The following TOX2 variants were observed in gnomAD, a reference collection of about 807,000 sequenced individuals.
The protein encoded by TOX2 is TOX high mobility group box family member 2.
A neutral mutation model predicts 47.4 loss-of-function variants in TOX2; 15 were observed. That is an observed-to-expected ratio of 0.32 (90% CI 0.21 to 0.49). TOX2 has a LOEUF of 0.49. Ranked by LOEUF, TOX2 falls within the 20% of genes least tolerant of loss-of-function variation. The pLI is 0.99. For synonymous variants in TOX2, 290 were observed against 296.6 expected (o/e 0.98, Z 0.23); for missense variants, 622 against 673.1 (o/e 0.92, Z 0.84).
At position 44,065,904 on chromosome 20, in the gene TOX2, G is replaced by A; in HGVS notation, c.1153G>A (p.Gly385Ser). The A allele has an allele frequency of 1.2e-6, 2 of 1,611,694 alleles. No individual in the cohort carries two copies. Among genetic ancestry groups the A allele is most frequent in the Non-Finnish European group, 1.7e-6 (2 of 1,178,494 alleles). ...GCTGGGCTCCAAGTCTCTGCTGCCA[G>A]GCCTCAGTGCGTCCCCGCCGCCGCC... Reference protein sequence around the residue: ...RTLGSKSLLPGLSASPPPPPS... With the variant: ...RTLGSKSLLPSLSASPPPPPS... The change falls in exon 7 of 9, where the codon GGC becomes AGC. Residue 385 changes from glycine (G) to serine (S), a missense_variant. Around this residue, in one of 3 missense-constraint regions of TOX2, gnomAD observed 294 missense variants for 300.0 expected, o/e 0.98. Coordinates refer to ENST00000341197, the MANE Select transcript of TOX2 (RefSeq NM_001098797.2).
At chr20:43,971,691 A>G (rs2069971189) in intron 1 of TOX2, among the ~76,000 whole-genome samples, 1 of 152,240 alleles carries the variant, frequency 6.6e-6, no homozygotes, top group African/African-American at 2.4e-5. Flanking sequence ...ACTAGAAACA[A>G]TGCAACTACC....
intron 3 of TOX2, among the ~76,000 whole-genome samples, chr20:44,034,028 A>G (rs1240299508): frequency 2.6e-5 from 4 of 152,182 alleles, no homozygotes; most frequent in Admixed American, 1.3e-4. Context: ...AGCATCTGCA[A>G]GCATGCTTAC....
chr20:44,068,593 C>T, intron 8 of TOX2, 57 bp from the exon 9 acceptor site: 1 of 1,568,444 alleles, frequency 6.4e-7, no homozygotes, highest in Non-Finnish European at 8.7e-7. Flanking sequence ...GGTCCTGGTG[C>T]TCCCCTGGCC....
chr20:43,930,385 C>T (rs1251189910), intron 1 of TOX2, among the ~76,000 whole-genome samples: 1 of 152,136 alleles, frequency 6.6e-6, no homozygotes, highest in Non-Finnish European at 1.5e-5. Context: ...CTATAATTCT[C>T]CTTGTAGAAA....
intron 3 of TOX2, among the ~76,000 whole-genome samples, chr20:44,030,313 G>T (rs563115055): frequency 6.6e-6 from 1 of 152,140 alleles, no homozygotes; most frequent in African/African-American, 2.4e-5. Context: ...ATCTATCTGA[G>T]TCTCAGATGG....
At chr20:44,043,802 A>G (rs1046153925) in intron 3 of TOX2, among the ~76,000 whole-genome samples, 1 of 152,236 alleles carries the variant, frequency 6.6e-6, no homozygotes, top group African/African-American at 2.4e-5. Flanking sequence ...GTCGTGATTA[A>G]TGAGGAATCC....
chr20:43,937,615 G>T (rs373436363), intron 1 of TOX2, among the ~76,000 whole-genome samples: 1 of 152,130 alleles, frequency 6.6e-6, no homozygotes, highest in East Asian at 1.9e-4. Context: ...GGGGAGGCCC[G>T]TAGGGAGGGT....
intron 2 of TOX2, among the ~76,000 whole-genome samples, chr20:43,978,484 A>G (rs2070117982): frequency 6.6e-6 from 1 of 152,060 alleles, no homozygotes; most frequent in African/African-American, 2.4e-5. Context: ...GCTATGACTT[A>G]TTATTTTTTA....
rs73282668 is a variant in TOX2 at position 44,005,765 on chromosome 20, G to T, written c.166-782G>T. 3.8e-3 allele frequency among the ~76,000 whole-genome samples: 575 copies of T among 152,310 alleles called. 2 individuals are homozygous for T. The highest frequency in any genetic ancestry group is 0.013 in the African/African-American group (544 of 41,556). ...TGATTTTAATAAAGCCACACACTTTGACCCACCAGGAGGTCCCTCAGCTTG... is the reference window on the plus strand; with the variant it reads ...TGATTTTAATAAAGCCACACACTTTTACCCACCAGGAGGTCCCTCAGCTTG... On this transcript the variant is annotated intron_variant, in intron 2 of 8. Coordinates refer to ENST00000341197, the MANE Select transcript of TOX2 (RefSeq NM_001098797.2).
chr20:43,934,881 C>T (rs1569011029), intron 1 of TOX2, among the ~76,000 whole-genome samples: 1 of 151,456 alleles, frequency 6.6e-6, no homozygotes, highest in Non-Finnish European at 1.5e-5. Context: ...TTCTGTAGAC[C>T]ATTTTTTGGA....
At chr20:44,039,721 A>C (rs1292055323) in intron 3 of TOX2, among the ~76,000 whole-genome samples, 1 of 152,164 alleles carries the variant, frequency 6.6e-6, no homozygotes, top group Non-Finnish European at 1.5e-5. Context: ...GTGATCCGGG[A>C]AGGATGTCAA....
intron 2 of TOX2, among the ~76,000 whole-genome samples, chr20:44,003,184 T>A (rs906960518): frequency 1.7e-5 from 2 of 120,140 alleles, no homozygotes; most frequent in Non-Finnish European, 3.6e-5. Context: ...TACATTCAAC[T>A]TTTTTTTTTT....
chr20:43,930,676 T>C (rs1036022053), intron 1 of TOX2, among the ~76,000 whole-genome samples: 5 of 152,152 alleles, frequency 3.3e-5, no homozygotes, highest in Non-Finnish European at 7.4e-5. Flanking sequence ...CTCCAGCCCA[T>C]GGGAATGTTT....
chr20:44,039,078 C>A, intron 3 of TOX2: 1 of 1,278,972 alleles, frequency 7.8e-7, no homozygotes, highest in South Asian at 1.2e-5. Context: ...GCCTGCCCAG[C>A]CCTCTGCCTG....
At chr20:44,040,322 C>T (rs139683537) in intron 3 of TOX2, among the ~76,000 whole-genome samples, 62 of 152,124 alleles carry the variant, frequency 4.1e-4, no homozygotes, top group African/African-American at 1.4e-3. Flanking sequence ...GGAACACCAG[C>T]GTTTAGTGGG....
At chr20:44,025,645 A>G in intron 3 of TOX2, among the ~76,000 whole-genome samples, 1 of 101,962 alleles carries the variant, frequency 9.8e-6, no homozygotes, top group Admixed American at 1.0e-4. Flanking sequence ...GAAAAATGTT[A>G]TTTTCTCCCC....
At chr20:43,941,495 G>C (rs1290743955) in intron 1 of TOX2, among the ~76,000 whole-genome samples, 2 of 152,152 alleles carry the variant, frequency 1.3e-5, no homozygotes, top group East Asian at 3.9e-4. Context: ...ACCACACCTG[G>C]CTAATTTTCG....
intron 5 of TOX2, 29 bp from the exon 6 acceptor site, chr20:44,064,748 C>T: frequency 3.1e-6 from 5 of 1,608,844 alleles, no homozygotes; most frequent in Non-Finnish European, 4.3e-6. Flanking sequence ...ACTTTCTCCC[C>T]AGTGTTGCTC....
intron 1 of TOX2, among the ~76,000 whole-genome samples, chr20:43,961,194 G>A (rs1171071823): frequency 1.3e-5 from 2 of 152,248 alleles, no homozygotes; most frequent in African/African-American, 4.8e-5. Context: ...GACAGCACAG[G>A]AGTTGAATGG....
Sources: allele counts gnomAD v4.1 joint callset (sites outside exome capture counted in the v4.1 genomes callset), GRCh38; gene constraint gnomAD v4.1.1; regional missense constraint gnomAD v4.1.1; transcripts MANE v1.5; gene names NCBI Gene and HGNC (gene_info 2026-07-23, HGNC 2026-07-21).